The following PTPRD variants were observed in gnomAD, a reference collection of about 807,000 sequenced individuals.
PTPRD encodes the protein protein tyrosine phosphatase receptor type D, also known as receptor-type tyrosine-protein phosphatase delta.
In PTPRD, 34 loss-of-function variants were observed where a neutral mutation model predicts 214.5. The observed-to-expected ratio is 0.16, with a 90% CI of 0.12 to 0.21. The LOEUF (loss-of-function observed/expected upper bound fraction) is 0.21. Among genes scored for constraint, PTPRD ranks in the 10% least tolerant of loss-of-function variants. The pLI is 1.00. For missense variants in PTPRD, 2,545 were observed against 2,398.7 expected, an observed-to-expected ratio of 1.06 and a Z score of -1.27; for synonymous variants, 1,128 against 845.7, an observed-to-expected ratio of 1.33 and a Z score of -5.79.
intron 11 of PTPRD, among the ~76,000 whole-genome samples, chr9:8,949,322 G>A (rs1261581437): frequency 6.6e-6 from 1 of 151,612 alleles, no homozygotes; most frequent in African/African-American, 2.4e-5. Flanking sequence ...TTTATGATAT[G>A]AAATATTGTC....
intron 9 of PTPRD, among the ~76,000 whole-genome samples, chr9:9,195,086 G>GTATATATATATATATGTATA (rs1554959658): frequency 7.6e-6 from 1 of 131,170 alleles, no homozygotes; most frequent in East Asian, 2.5e-4. Flanking sequence ...GTGTGTTTGT[G>GTATATATATATATATGTATA]TATATATATA....
chr9:9,676,537 T>C (rs1356240343), intron 7 of PTPRD, among the ~76,000 whole-genome samples: 1 of 152,136 alleles, frequency 6.6e-6, no homozygotes. Flanking sequence ...TGATGGACAT[T>C]TGGCTTGGTT....
At chr9:8,386,418 G>C (rs989815) in intron 37 of PTPRD, among the ~76,000 whole-genome samples, 87,519 of 152,100 alleles carry the variant, frequency 0.58, 26,226 homozygotes, top group African/African-American at 0.73. Flanking sequence ...GCATTTACAA[G>C]ACGCACACAT....
At chr9:9,735,124 A>G (rs1172351614) in intron 6 of PTPRD, among the ~76,000 whole-genome samples, 2 of 152,118 alleles carry the variant, frequency 1.3e-5, no homozygotes, top group Admixed American at 1.3e-4. Context: ...CTATTTTTTA[A>G]AGGTGTTTGA....
At chr9:10,063,898 C>T (rs2097827257) in intron 3 of PTPRD, among the ~76,000 whole-genome samples, 1 of 151,944 alleles carries the variant, frequency 6.6e-6, no homozygotes, top group Admixed American at 6.6e-5. Context: ...CCTCAAATTA[C>T]AAAGTTCAAA....
chr9:9,760,192 G>A (rs551714920), intron 6 of PTPRD, among the ~76,000 whole-genome samples: 80 of 152,092 alleles, frequency 5.3e-4, no homozygotes, highest in African/African-American at 1.7e-3. Context: ...CTGTCTCCCC[G>A]GGTCTATGCC....
chr9:10,538,265 A>AATAT lies in PTPRD; in HGVS notation c.-600+74132_-600+74133insATAT, dbSNP rs1259255480. The stretch of plus-strand genomic sequence containing the variant: ...AAATAAATAAATAAATAAATAAATA[A>AATAT]ATAAATAAATAAATAAATAAATAAA... On this transcript the variant is annotated intron_variant, in intron 2 of 45. Transcript: ENST00000381196. Among the ~76,000 whole-genome samples the AATAT allele has an allele frequency of 1.0e-4, 15 of 148,096 alleles. No individual in the cohort carries two copies. The East Asian group carries it at 2.0e-3, about 19-fold the overall frequency.
chr9:10,196,533 T>G (rs1476949599), intron 3 of PTPRD, among the ~76,000 whole-genome samples: 1 of 152,190 alleles, frequency 6.6e-6, no homozygotes, highest in Admixed American at 6.5e-5. Context: ...TATCATTTCC[T>G]ATAAGAAAAG....
intron 3 of PTPRD, among the ~76,000 whole-genome samples, chr9:10,257,781 C>T (rs1161819907): frequency 6.6e-6 from 1 of 152,124 alleles, no homozygotes; most frequent in African/African-American, 2.4e-5. Flanking sequence ...AATTTAAAAA[C>T]TCAGAATAAG....
rs181869432 is a variant in PTPRD at position 9,168,943 on chromosome 9, T to C, written c.-143+14361A>G. On this transcript the variant is annotated intron_variant, in intron 10 of 45. Coordinates refer to ENST00000381196, the MANE Select transcript of PTPRD (RefSeq NM_002839.4). ...ATGAAAATTAATGCTCTCCTGTCTCTGTATAATAAAAAATAATTTGGATAT... is the reference window on the plus strand; with the variant it reads ...ATGAAAATTAATGCTCTCCTGTCTCCGTATAATAAAAAATAATTTGGATAT... Among the ~76,000 whole-genome samples the C allele has an allele frequency of 6.7e-3, 1,013 of 151,878 alleles. 5 individuals are homozygous for C. Among genetic ancestry groups the C allele is most frequent in the Non-Finnish European group, 0.01 (700 of 67,884 alleles).
intron 8 of PTPRD, among the ~76,000 whole-genome samples, chr9:9,566,425 A>T (rs1381644879): frequency 6.6e-6 from 1 of 152,016 alleles, no homozygotes; most frequent in Admixed American, 6.6e-5. Context: ...TTAAACTCAG[A>T]TTATTTCTCT....
intron 5 of PTPRD, among the ~76,000 whole-genome samples, chr9:9,851,391 T>C (rs1030396548): frequency 3.3e-5 from 5 of 152,206 alleles, no homozygotes; most frequent in Non-Finnish European, 7.3e-5. Flanking sequence ...ATTGAGTCAA[T>C]GGAGGATCAA....
intron 6 of PTPRD, among the ~76,000 whole-genome samples, chr9:9,758,986 G>C (rs577675972): frequency 1.3e-5 from 2 of 152,254 alleles, no homozygotes; most frequent in South Asian, 2.1e-4. Flanking sequence ...AGAAAGGAAT[G>C]CTGTCAGAGA....
In PTPRD at chr9:8,314,633, C is replaced by CAAAAAGAAAAACAAAAAGGGAATT; in HGVS notation, c.*3217_*3240dup. Reference sequence around the variant, plus strand: ...CATAAACCCAAAAGGAACCAAAACCCAAAAAGAAAAACAAAAAGGGAATTA... The same window carrying CAAAAAGAAAAACAAAAAGGGAATT: ...CATAAACCCAAAAGGAACCAAAACCCAAAAAGAAAAACAAAAAGGGAATTAAAAAGAAAAACAAAAAGGGAATTA... On this transcript the variant is annotated 3_prime_UTR_variant, in exon 46 of 46. Coordinates refer to ENST00000381196, the MANE Select transcript of PTPRD (RefSeq NM_002839.4). 1 of 230,552 alleles carries CAAAAAGAAAAACAAAAAGGGAATT rather than the reference C, an allele frequency of 4.3e-6. No individual in the cohort carries two copies. The highest frequency in any genetic ancestry group is 6.1e-5 in the East Asian group (1 of 16,448). 14.3% of individuals were successfully genotyped at this position (230,552 alleles called of 1,614,324 possible).
At chr9:9,570,377 C>T (rs2085990494) in intron 8 of PTPRD, among the ~76,000 whole-genome samples, 2 of 151,440 alleles carry the variant, frequency 1.3e-5, no homozygotes, top group African/African-American at 4.8e-5. Flanking sequence ...TCATTTTTCC[C>T]CAAGCCCTGT....
At chr9:10,159,893 T>C (rs773651754) in intron 3 of PTPRD, among the ~76,000 whole-genome samples, 6 of 152,172 alleles carry the variant, frequency 3.9e-5, no homozygotes, top group African/African-American at 1.4e-4. Context: ...CCGAGAATTA[T>C]TGGTGTTCAA....
chr9:10,536,709 A>T (rs2057880651), intron 2 of PTPRD, among the ~76,000 whole-genome samples: 1 of 152,102 alleles, frequency 6.6e-6, no homozygotes, highest in South Asian at 2.1e-4. Context: ...TTGTATAAAT[A>T]CTGGCCCAGG....
intron 3 of PTPRD, among the ~76,000 whole-genome samples, chr9:10,145,633 A>G (rs1449225158): frequency 6.6e-6 from 1 of 152,140 alleles, no homozygotes; most frequent in Non-Finnish European, 1.5e-5. Flanking sequence ...TTGGGGGAGT[A>G]AAAACTTATA....
At chr9:10,009,598 A>T (rs890048949) in intron 4 of PTPRD, among the ~76,000 whole-genome samples, 8 of 151,934 alleles carry the variant, frequency 5.3e-5, no homozygotes, top group African/African-American at 1.9e-4. Flanking sequence ...TGCCTACCTT[A>T]GAGGCAACAG....
Sources: gnomAD v4.1 joint callset for allele counts (sites outside exome capture counted in the v4.1 genomes callset) on GRCh38, gnomAD v4.1.1 for gene constraint, MANE v1.5 for transcripts, NCBI Gene and HGNC (gene_info 2026-07-23, HGNC 2026-07-21) for gene names.